The following PCNX2 variants were observed in gnomAD, a reference collection of about 807,000 sequenced individuals.
PCNX2 encodes pecanex 2.
Under a neutral mutation model 223.8 loss-of-function variants are expected in PCNX2, and 168 were observed. The observed-to-expected ratio is 0.75, with a 90% CI of 0.66 to 0.85. PCNX2 has a LOEUF of 0.85. Ranked by LOEUF, PCNX2 falls within the 40% of genes least tolerant of loss-of-function variation. The probability of loss-of-function intolerance (pLI) is 0.00; values close to 1 mark genes in which losing one functional copy is unlikely to be tolerated. For missense variants in PCNX2, 2,507 were observed against 2,675.5 expected (o/e 0.94, Z 1.39); for synonymous variants, 1,006 against 1,052.6 (o/e 0.96, Z 0.86).
At chr1:233,298,871 G>A (rs1256075461), upstream of PCNX2, among the ~76,000 whole-genome samples, 1 of 151,460 alleles carries the variant, frequency 6.6e-6, no homozygotes, top group Admixed American at 6.6e-5. Flanking sequence ...GACAGAGCGA[G>A]ACTGCATCTC....
chr1:233,086,729 C>A (rs1343399323), intron 23 of PCNX2, among the ~76,000 whole-genome samples: 1 of 152,124 alleles, frequency 6.6e-6, no homozygotes, highest in African/African-American at 2.4e-5. Flanking sequence ...CTCCATCAGA[C>A]TAGCCCCATT....
rs141340703 is a variant in PCNX2, at chr1:233,205,400, A to C, written c.2863+3118T>G. Among the ~76,000 whole-genome samples the C allele has an allele frequency of 9.0e-3, 1,366 of 152,314 alleles. 22 individuals are homozygous for C. The highest frequency in any genetic ancestry group is 0.031 in the African/African-American group (1,304 of 41,574). On this transcript the variant is annotated intron_variant, in intron 13 of 33. Coordinates refer to ENST00000258229, the MANE Select transcript of PCNX2 (RefSeq NM_014801.4). Reference sequence around the variant, plus strand: ...TGTACATAAATATCTTTAGTACTTAAAGCAGACTTTTGGCCGGGCATGGTG... The same window carrying C: ...TGTACATAAATATCTTTAGTACTTACAGCAGACTTTTGGCCGGGCATGGTG...
intron 9 of PCNX2, among the ~76,000 whole-genome samples, chr1:233,228,374 T>C (rs185477574): frequency 6.6e-6 from 1 of 152,312 alleles, no homozygotes; most frequent in East Asian, 1.9e-4. Context: ...ACAAATATCA[T>C]AAAATTTACC....
In PCNX2 at chr1:233,191,598, T is replaced by C. The variant is rs546254999; in HGVS notation, c.3066+7341A>G. 7.2e-5 allele frequency among the ~76,000 whole-genome samples: 11 copies of C among 152,260 alleles called. No individual in the cohort carries two copies. In the East Asian group the frequency reaches 1.9e-3, roughly 27 times the overall value. ...TGCACAAGTCATAGACCCTGAGGAA[T>C]TTATGCCAGACCTTATATTATAGAT... On this transcript the variant is annotated intron_variant, in intron 15 of 33. Transcript: ENST00000258229.
At chr1:233,136,295 C>T (rs2102768992) in intron 20 of PCNX2, among the ~76,000 whole-genome samples, 1 of 152,328 alleles carries the variant, frequency 6.6e-6, no homozygotes, top group East Asian at 1.9e-4. Context: ...GGCCATGCCT[C>T]AATTGCCCTA....
At chr1:232,995,896 C>G (rs186602180) in intron 32 of PCNX2, among the ~76,000 whole-genome samples, 64 of 152,198 alleles carry the variant, frequency 4.2e-4, no homozygotes, top group African/African-American at 1.4e-3. Context: ...CCTCTCCCCC[C>G]ACCCAGGCTG....
At chr1:233,226,035 GACA>G (rs1211309652) in intron 10 of PCNX2, among the ~76,000 whole-genome samples, 4 of 152,152 alleles carry the variant, frequency 2.6e-5, no homozygotes, top group Non-Finnish European at 5.9e-5. Flanking sequence ...GGGGACCAAT[GACA>G]ACAAGACAGG....
At chr1:233,223,294 G>A (rs555085829) in intron 10 of PCNX2, among the ~76,000 whole-genome samples, 2 of 152,250 alleles carry the variant, frequency 1.3e-5, no homozygotes, top group African/African-American at 4.8e-5. Flanking sequence ...CAGGTTCAAC[G>A]GAGTTTTGAG....
chr1:233,303,884 T>G, the PCNX2 span, among the ~76,000 whole-genome samples: 2 of 152,258 alleles, frequency 1.3e-5, no homozygotes, highest in African/African-American at 4.8e-5. Flanking sequence ...TGTCTTCATG[T>G]TTGTTTCTTA....
At chr1:233,289,374 TG>T in intron 1 of PCNX2, 3 of 1,266,022 alleles carry the variant, frequency 2.4e-6, no homozygotes, top group Non-Finnish European at 3.5e-6. Context: ...CAGAAGAGCC[TG>T]GGAGATGCGG....
intron 28 of PCNX2, among the ~76,000 whole-genome samples, chr1:233,002,224 C>T (rs571641594): frequency 2.8e-4 from 42 of 151,942 alleles, no homozygotes; most frequent in African/African-American, 9.7e-4. Flanking sequence ...CATGCATTTC[C>T]CAATCCCACC....
chr1:233,171,994 A>G (rs894351099), intron 17 of PCNX2, among the ~76,000 whole-genome samples: 9 of 152,036 alleles, frequency 5.9e-5, no homozygotes, highest in Non-Finnish European at 1.2e-4. Context: ...GTGGTGGTGT[A>G]TATTTCAATT....
chr1:233,029,236 G>A (rs531738304), intron 25 of PCNX2, among the ~76,000 whole-genome samples: 3 of 151,990 alleles, frequency 2.0e-5, no homozygotes, highest in African/African-American at 7.2e-5. Flanking sequence ...TTTCTCTAAG[G>A]GTTATAATCT....
intron 25 of PCNX2, among the ~76,000 whole-genome samples, chr1:233,046,178 T>C (rs1671817068): frequency 1.3e-5 from 2 of 152,242 alleles, no homozygotes; most frequent in South Asian, 4.1e-4. Context: ...CATTTCATGT[T>C]TCCACTGATG....
chr1:233,054,384 T>C lies in PCNX2; in HGVS notation c.4235A>G (p.Asn1412Ser), dbSNP rs1436896662. The C allele has an allele frequency of 1.2e-6, 2 of 1,613,932 alleles. No homozygotes were observed. Among genetic ancestry groups the C allele is most frequent in the South Asian group, 2.2e-5 (2 of 91,078 alleles). Residue 1412 changes from asparagine to serine, a missense_variant, in exon 25 of 34, where the codon AAC becomes AGC. Physicochemically the swap from Asn to Ser is conservative, Grantham distance 46. Around this residue, in one of 3 missense-constraint regions of PCNX2, gnomAD observed 1,372 missense variants for 1,509.4 expected, o/e 0.91. Transcript: ENST00000258229. Reference protein sequence around the residue: ...CGDLVLGRWGNYSSGDCFILA... With the variant: ...CGDLVLGRWGSYSSGDCFILA... ...AATAAAGCAATCGCCAGAGCTGTAG[T>C]TGCCCCAACGTCCAAGAACTAAGTC...
At chr1:233,114,321 G>C (rs1675284877) in intron 21 of PCNX2, among the ~76,000 whole-genome samples, 1 of 152,180 alleles carries the variant, frequency 6.6e-6, no homozygotes, top group South Asian at 2.1e-4. Flanking sequence ...AGGAAACAGA[G>C]CGTGGAGTCT....
rs915906858 is a variant in PCNX2 at position 233,184,809 on chromosome 1, G to C, written c.3067-5634C>G. ...ATGTCCTTCAACAAGAAAAAGCAAA[G>C]TTATGCCAGCGGGGCACACTTATTC... On this transcript the variant is annotated intron_variant, in intron 15 of 33. Transcript: ENST00000258229. Among the ~76,000 whole-genome samples the C allele has an allele frequency of 3.3e-5, 5 of 152,234 alleles. No individual in the cohort carries two copies. The South Asian group carries it at 1.0e-3, about 32-fold the overall frequency.
In PCNX2 at chr1:233,139,624, T is replaced by A. The variant is rs1676994458; in HGVS notation, c.3659+90A>T. The A allele has an allele frequency of 7.0e-7, 1 of 1,424,532 alleles. No individual in the cohort carries two copies. The highest frequency in any genetic ancestry group is 1.4e-5 in the African/African-American group (1 of 69,544). 88.2% of individuals were successfully genotyped at this position (1,424,532 alleles called of 1,614,324 possible). On this transcript the variant is annotated intron_variant, in intron 20 of 33. Coordinates refer to ENST00000258229, the MANE Select transcript of PCNX2 (RefSeq NM_014801.4). This position sits in a 1 kb window ranked among gnomAD's most constrained non-coding sequence, Gnocchi z 4.4. The stretch of plus-strand genomic sequence containing the variant: ...ATGGCCAATCACAGTCGGTAAAGGT[T>A]GGCTTCTTCTGCAGATTGTTTACAG...
At chr1:233,066,174 T>C (rs905176290) in intron 23 of PCNX2, among the ~76,000 whole-genome samples, 4 of 152,196 alleles carry the variant, frequency 2.6e-5, no homozygotes, top group African/African-American at 9.6e-5. Context: ...AGTCTCTGAT[T>C]GTCTACATAA....
Sources: gnomAD v4.1 joint callset for allele counts (sites outside exome capture counted in the v4.1 genomes callset) on GRCh38, gnomAD v4.1.1 for gene constraint, gnomAD v4.1.1 regional missense constraint, Gnocchi (gnomAD v3.1) non-coding constraint, MANE v1.5 for transcripts, NCBI Gene and HGNC (gene_info 2026-07-23, HGNC 2026-07-21) for gene names.